COP1: variants seen among roughly 807,000 people sequenced by gnomAD.
The protein encoded by COP1 is E3 ubiquitin-protein ligase COP1.
A neutral mutation model predicts 101.3 loss-of-function variants in COP1; 24 were observed. The observed-to-expected ratio is 0.24, with a 90% CI of 0.17 to 0.33. COP1 has a LOEUF of 0.33. Among genes scored for constraint, COP1 ranks in the 10% least tolerant of loss-of-function variants. The pLI, the probability that COP1 is intolerant of heterozygous loss-of-function variation, is 1.00. For synonymous variants in COP1, 347 were observed against 341.9 expected (o/e 1.01, Z -0.17); for missense variants, 663 against 906.2 (o/e 0.73, Z 3.45).
chr1:176,049,792 C>T (rs1193226118), intron 11 of COP1, among the ~76,000 whole-genome samples: 3 of 152,080 alleles, frequency 2.0e-5, no homozygotes, highest in Non-Finnish European at 4.4e-5. Flanking sequence ...AGAACTAATA[C>T]AAAACAGATG....
At chr1:176,032,055 T>C (rs1668733724) in intron 14 of COP1, among the ~76,000 whole-genome samples, 1 of 152,154 alleles carries the variant, frequency 6.6e-6, no homozygotes, top group Non-Finnish European at 1.5e-5. Context: ...AAAGAATTCA[T>C]TACCAAAGAA....
At chr1:176,126,133 T>A (rs2149671333) in intron 8 of COP1, among the ~76,000 whole-genome samples, 1 of 152,334 alleles carries the variant, frequency 6.6e-6, no homozygotes, top group South Asian at 2.1e-4. Flanking sequence ...GTCTATAGGT[T>A]TTTCCAAATA....
chr1:176,153,530 GCAAA>G (rs1301979661), intron 5 of COP1, among the ~76,000 whole-genome samples: 4 of 152,196 alleles, frequency 2.6e-5, no homozygotes, highest in African/African-American at 9.7e-5. Context: ...CATGTCATCT[GCAAA>G]CAGATAGTTT....
chr1:176,025,202 G>C (rs1265470834), intron 15 of COP1, among the ~76,000 whole-genome samples: 1 of 152,076 alleles, frequency 6.6e-6, no homozygotes, highest in Non-Finnish European at 1.5e-5. Flanking sequence ...ATTCTAAACA[G>C]CAGAACACTA....
chr1:175,963,127 C>T (rs1253477024), intron 18 of COP1, among the ~76,000 whole-genome samples: 1 of 151,874 alleles, frequency 6.6e-6, no homozygotes, highest in Non-Finnish European at 1.5e-5. Flanking sequence ...CCTGAGTAGA[C>T]TCTCTACTTT....
rs138691914 is a variant in COP1, at chr1:176,057,385, G to A, written c.1278-11061C>T. Among the ~76,000 whole-genome samples, 376 of 152,244 alleles carry A rather than the reference G, an allele frequency of 2.5e-3. 3 individuals are homozygous for A. The highest frequency in any genetic ancestry group is 8.6e-3 in the African/African-American group (359 of 41,546). On this transcript the variant is annotated intron_variant, in intron 11 of 19. Coordinates refer to ENST00000367669, the MANE Select transcript of COP1 (RefSeq NM_022457.7). ...TTCCACGATCTCCCTCTGATGCCGA[G>A]CGGAAGCTGAACTGTACTGCTGCCA...
intron 15 of COP1, among the ~76,000 whole-genome samples, chr1:175,995,125 C>G (rs998836865): frequency 6.6e-6 from 1 of 152,126 alleles, no homozygotes; most frequent in Non-Finnish European, 1.5e-5. Flanking sequence ...GGAAAGTGAA[C>G]AACTTGCTCC....
chr1:176,173,344 A>AC (rs1025617829), intron 3 of COP1, among the ~76,000 whole-genome samples: 1 of 145,266 alleles, frequency 6.9e-6, no homozygotes, highest in Non-Finnish European at 1.5e-5. Flanking sequence ...AAAAAAAAAA[A>AC]CCAGTAATTG....
chr1:176,199,288 G>T (rs1180782157), intron 1 of COP1, among the ~76,000 whole-genome samples: 1 of 152,190 alleles, frequency 6.6e-6, no homozygotes, highest in East Asian at 1.9e-4. Context: ...CTGCACTCCA[G>T]CTGGGGCGAC....
At chr1:176,192,403 TCA>T (rs915510098) in intron 1 of COP1, among the ~76,000 whole-genome samples, 1 of 152,032 alleles carries the variant, frequency 6.6e-6, no homozygotes, top group African/African-American at 2.4e-5. Context: ...ACACAGATCT[TCA>T]CTAGTGCTCC....
At chr1:175,989,589 T>C in intron 15 of COP1, 110 bp from the exon 16 acceptor site, 1 of 615,182 alleles carries the variant, frequency 1.6e-6, no homozygotes, top group Non-Finnish European at 3.0e-6. Context: ...TGATGTCTAA[T>C]CTCTAACAGC....
At chr1:175,947,979 A>C (rs1054925267) in intron 18 of COP1, among the ~76,000 whole-genome samples, 2 of 152,242 alleles carry the variant, frequency 1.3e-5, no homozygotes, top group African/African-American at 4.8e-5. Flanking sequence ...TCCTTGGCAC[A>C]AATCTCTATG....
intron 18 of COP1, among the ~76,000 whole-genome samples, chr1:175,977,756 C>T (rs1299989936): frequency 1.3e-5 from 2 of 152,064 alleles, no homozygotes; most frequent in Non-Finnish European, 2.9e-5. Context: ...ATTTTCTAAG[C>T]AAAACATACT....
chr1:176,134,053 G>A (rs776338615), intron 8 of COP1, among the ~76,000 whole-genome samples: 3 of 151,948 alleles, frequency 2.0e-5, no homozygotes, highest in Non-Finnish European at 2.9e-5. Context: ...TGGGAAAAAT[G>A]TCAAACCTCT....
At chr1:175,985,936 T>G (rs748866541) in intron 18 of COP1, among the ~76,000 whole-genome samples, 51 of 152,312 alleles carry the variant, frequency 3.3e-4, no homozygotes, top group Admixed American at 7.8e-4. Flanking sequence ...GAATTTTTTT[T>G]GTCAAAAACC....
At chr1:176,136,272 C>T (rs1418587057) in intron 7 of COP1, among the ~76,000 whole-genome samples, 1 of 151,826 alleles carries the variant, frequency 6.6e-6, no homozygotes, top group Non-Finnish European at 1.5e-5. Flanking sequence ...AAAATTATGG[C>T]AATAAAACAT....
chr1:176,135,535 C>A (rs1043291483), intron 7 of COP1, among the ~76,000 whole-genome samples: 1 of 151,774 alleles, frequency 6.6e-6, no homozygotes, highest in African/African-American at 2.4e-5. Context: ...CAAAAAACAC[C>A]CAGAATATGT....
intron 10 of COP1, among the ~76,000 whole-genome samples, chr1:176,085,163 T>C (rs970653123): frequency 2.6e-5 from 4 of 152,188 alleles, no homozygotes; most frequent in African/African-American, 4.8e-5. Context: ...AGTATCTTTT[T>C]CAGTTAATTC....
intron 15 of COP1, among the ~76,000 whole-genome samples, chr1:176,010,856 A>G (rs1382134599): frequency 1.3e-5 from 2 of 152,250 alleles, no homozygotes; most frequent in African/African-American, 2.4e-5. Flanking sequence ...TTGACTCTTC[A>G]TAGAAAATCA....
Sources: gnomAD v4.1 joint callset for allele counts (sites outside exome capture counted in the v4.1 genomes callset) on GRCh38, gnomAD v4.1.1 for gene constraint, MANE v1.5 for transcripts, NCBI Gene and HGNC (gene_info 2026-07-23, HGNC 2026-07-21) for gene names.